COL23A1: variants seen among roughly 807,000 people sequenced by gnomAD.
COL23A1 encodes collagen type XXIII alpha 1 chain.
Under a neutral mutation model 99.3 loss-of-function variants are expected in COL23A1, and 97 were observed. The observed-to-expected ratio is 0.98, with a 90% CI of 0.83 to 1.16. The LOEUF (loss-of-function observed/expected upper bound fraction) is 1.16. Among genes scored for constraint, COL23A1 ranks in the 50% most tolerant of loss-of-function variants. COL23A1 has a pLI of 0.00. For synonymous variants in COL23A1, 320 were observed against 308.2 expected (o/e 1.04, Z -0.40); for missense variants, 762 against 757.4 (o/e 1.01, Z -0.07).
In COL23A1 at chr5:178,403,130, ATAAAAAAT is replaced by A. The variant is rs1561940642; in HGVS notation, c.362-96219_362-96212del. On this transcript the variant is annotated intron_variant, in intron 2 of 28. Coordinates refer to ENST00000390654, the MANE Select transcript of COL23A1 (RefSeq NM_173465.4). ...TCTCAAAAAAAAAAAAAATAAATAA[ATAAAAAAT>A]AAATACCATTTACCGAAATCTTCTA... Among the ~76,000 whole-genome samples the A allele has an allele frequency of 2.6e-3, 312 of 118,428 alleles. 17 individuals carry two copies. The highest frequency in any genetic ancestry group is 9.7e-3 in the African/African-American group (300 of 30,910). 77.7% of individuals were successfully genotyped at this position (118,428 alleles called of 152,430 possible). A position where few individuals can be genotyped will look rare whatever the true frequency, so the allele number is the denominator to read the frequency against.
chr5:178,426,079 T>G (rs1208918778), intron 2 of COL23A1, among the ~76,000 whole-genome samples: 1 of 152,220 alleles, frequency 6.6e-6, no homozygotes, highest in African/African-American at 2.4e-5. Flanking sequence ...TTCAGTGTCT[T>G]TGTAGAAGTC....
At chr5:178,288,583 G>A (rs542984201) in intron 4 of COL23A1, 46 of 613,304 alleles carry the variant, frequency 7.5e-5, no homozygotes, top group Non-Finnish European at 1.1e-4. Flanking sequence ...TCGGGGCTCC[G>A]GGCACAGTCA....
chr5:178,387,781 C>CT lies in COL23A1; in HGVS notation c.362-80863_362-80862insA, dbSNP rs377424367. Among the ~76,000 whole-genome samples, 2,366 of 152,092 alleles carry CT rather than the reference C, an allele frequency of 0.016. 66 individuals carry two copies. Among genetic ancestry groups the CT allele is most frequent in the African/African-American group, 0.054 (2,252 of 41,460 alleles). ...ACAGACAGTGTGGGCCATTTTCCCC[C>CT]GCGCTGTGCTTGCGGAGTTTCCCAC... On this transcript the variant is annotated intron_variant, in intron 2 of 28. Transcript: ENST00000390654. The surrounding 1 kb of genome is among the most constrained non-coding windows in gnomAD (Gnocchi z 4.7).
rs540388086 is a variant in COL23A1 at position 178,471,189 on chromosome 5, A to G, written c.361+89493T>C. On this transcript the variant is annotated intron_variant, in intron 2 of 28. Coordinates refer to ENST00000390654, the MANE Select transcript of COL23A1 (RefSeq NM_173465.4). The stretch of plus-strand genomic sequence containing the variant: ...GCACAAGGGACAGTGCAGTTCCCAG[A>G]GGTTGGAACAGTGGGTGCATTTATC... Among the ~76,000 whole-genome samples, 7 of 152,260 alleles carry G rather than the reference A, an allele frequency of 4.6e-5. No homozygotes were observed. The South Asian group carries it at 1.0e-3, about 23-fold the overall frequency.
At chr5:178,580,503 A>C (rs1763611460) in intron 1 of COL23A1, among the ~76,000 whole-genome samples, 1 of 151,966 alleles carries the variant, frequency 6.6e-6, no homozygotes, top group Non-Finnish European at 1.5e-5. Context: ...CTTAGTCCTG[A>C]AATATGTTTC....
At chr5:178,288,418 C>T in intron 4 of COL23A1, 68 bp from the exon 5 acceptor site, 1 of 1,376,696 alleles carries the variant, frequency 7.3e-7, no homozygotes, top group Non-Finnish European at 1.0e-6. Flanking sequence ...ACTTAGAGCT[C>T]AATCAGGGCC....
At chr5:178,580,050 G>A (rs1248317372) in intron 1 of COL23A1, among the ~76,000 whole-genome samples, 3 of 152,104 alleles carry the variant, frequency 2.0e-5, no homozygotes, top group Admixed American at 6.6e-5. Flanking sequence ...ACATGAGGCC[G>A]GGCATGGTGG....
rs765590679 is a variant in COL23A1 at position 178,459,991 on chromosome 5, G to T, written c.361+100691C>A. Among the ~76,000 whole-genome samples the T allele has an allele frequency of 5.9e-4, 89 of 152,062 alleles. 1 individual carries two copies. The highest frequency in any genetic ancestry group is 2.4e-4 in the Non-Finnish European group (16 of 68,000). ...TTATCTCTTTATGGTGGTATAATGG[G>T]TGTTTTTAAAATCTCCTTCTTTATA... On this transcript the variant is annotated intron_variant, in intron 2 of 28. Transcript: ENST00000390654.
At chr5:178,325,621 C>G (rs1759606862) in intron 2 of COL23A1, among the ~76,000 whole-genome samples, 1 of 152,192 alleles carries the variant, frequency 6.6e-6, no homozygotes, top group Non-Finnish European at 1.5e-5. Context: ...ACTTAGCACA[C>G]TGGGATGGAG....
In COL23A1 at chr5:178,281,544, G is replaced by A. The variant is rs1048164312; in HGVS notation, c.441+6780C>T. Among the ~76,000 whole-genome samples, 1 of 152,148 alleles carries A rather than the reference G, an allele frequency of 6.6e-6. No homozygotes were observed. The highest frequency in any genetic ancestry group is 6.5e-5 in the Admixed American group (1 of 15,286). On this transcript the variant is annotated intron_variant, in intron 5 of 28. Coordinates refer to ENST00000390654, the MANE Select transcript of COL23A1 (RefSeq NM_173465.4). This position sits in a 1 kb window ranked among gnomAD's most constrained non-coding sequence, Gnocchi z 4.0. ...CTTGGGCACGGCGCTCCGGGGCCCA[G>A]GAGGTGCCGTGCGTGTGGTTTTGGG...
At chr5:178,266,685 G>C (rs1188494880) in intron 8 of COL23A1, among the ~76,000 whole-genome samples, 1 of 152,116 alleles carries the variant, frequency 6.6e-6, no homozygotes, top group African/African-American at 2.4e-5. Context: ...AGCTGTGTTC[G>C]TGCTCACAGC....
At chr5:178,416,965 C>A (rs1231599135) in intron 2 of COL23A1, among the ~76,000 whole-genome samples, 1 of 152,172 alleles carries the variant, frequency 6.6e-6, no homozygotes, top group Non-Finnish European at 1.5e-5. Flanking sequence ...CCTCTCTCAG[C>A]CCTCCCCAGG....
intron 3 of COL23A1, among the ~76,000 whole-genome samples, chr5:178,291,256 C>T (rs890808): frequency 0.69 from 105,285 of 152,074 alleles, 37,651 homozygotes; most frequent in Non-Finnish European, 0.8. Flanking sequence ...GCGGCCAGCA[C>T]GATTTATACG....
At chr5:178,269,731 A>C (rs1756174029) in intron 6 of COL23A1, among the ~76,000 whole-genome samples, 2 of 147,316 alleles carry the variant, frequency 1.4e-5, no homozygotes, top group South Asian at 4.4e-4. Flanking sequence ...CCATCCATCC[A>C]CCCACCTACC....
intron 2 of COL23A1, among the ~76,000 whole-genome samples, chr5:178,552,328 T>C (rs1049344496): frequency 4.6e-5 from 7 of 152,116 alleles, no homozygotes; most frequent in African/African-American, 9.7e-5. Flanking sequence ...CAAATACCTA[T>C]GCATAGTGAA....
chr5:178,387,484 C>T lies in COL23A1; in HGVS notation c.362-80565G>A, dbSNP rs987370222. Among the ~76,000 whole-genome samples the T allele has an allele frequency of 3.3e-5, 5 of 152,166 alleles. No homozygotes were observed. Among genetic ancestry groups the T allele is most frequent in the African/African-American group, 1.2e-4 (5 of 41,428 alleles). On this transcript the variant is annotated intron_variant, in intron 2 of 28. Coordinates refer to ENST00000390654, the MANE Select transcript of COL23A1 (RefSeq NM_173465.4). This position sits in a 1 kb window ranked among gnomAD's most constrained non-coding sequence, Gnocchi z 4.7. ...CTGCCCTCCTGCAGCTCAGAGCACCCCTGCCCATGAGCTCTCCTGGCAGGG... is the reference window on the plus strand; with the variant it reads ...CTGCCCTCCTGCAGCTCAGAGCACCTCTGCCCATGAGCTCTCCTGGCAGGG...
chr5:178,514,040 G>A (rs1201725156), intron 2 of COL23A1, among the ~76,000 whole-genome samples: 1 of 151,914 alleles, frequency 6.6e-6, no homozygotes, highest in African/African-American at 2.4e-5. Context: ...CTGAAACCTT[G>A]TCCCCATTAA....
intron 1 of COL23A1, among the ~76,000 whole-genome samples, chr5:178,572,230 G>A (rs1442112860): frequency 6.6e-6 from 1 of 152,022 alleles, no homozygotes; most frequent in East Asian, 1.9e-4. Flanking sequence ...TGAACACACA[G>A]AGAATTATTT....
intron 2 of COL23A1, among the ~76,000 whole-genome samples, chr5:178,412,175 T>C (rs1356078424): frequency 6.6e-6 from 1 of 152,234 alleles, no homozygotes; most frequent in Non-Finnish European, 1.5e-5. Context: ...GGAATACTAT[T>C]CTAAAAAGAA....
Sources: allele counts gnomAD v4.1 joint callset (sites outside exome capture counted in the v4.1 genomes callset), GRCh38; gene constraint gnomAD v4.1.1; non-coding constraint Gnocchi (gnomAD v3.1); transcripts MANE v1.5; gene names NCBI Gene and HGNC (gene_info 2026-07-23, HGNC 2026-07-21).